ACAD10: variants seen among roughly 807,000 people sequenced by gnomAD.
ACAD10 encodes the protein acyl-CoA dehydrogenase family member 10.
In ACAD10, 112 loss-of-function variants were observed where a neutral mutation model predicts 116.8. That is an observed-to-expected ratio of 0.96 (90% CI 0.82 to 1.12). The LOEUF (loss-of-function observed/expected upper bound fraction) is 1.12, where lower values mean the gene tolerates loss of function less well. Among genes scored for constraint, ACAD10 ranks in the 50% most tolerant of loss-of-function variants. ACAD10 has a pLI of 0.00. For missense variants in ACAD10, 1,259 were observed against 1,350.2 expected, an observed-to-expected ratio of 0.93 and a Z score of 1.06; for synonymous variants, 486 against 510.6, an observed-to-expected ratio of 0.95 and a Z score of 0.65.
chr12:111,696,038 T>C (rs1888181833), intron 2 of ACAD10, among the ~76,000 whole-genome samples: 1 of 151,116 alleles, frequency 6.6e-6, no homozygotes, highest in Admixed American at 6.6e-5. Flanking sequence ...TATATATATA[T>C]ATACACTAGA....
chr12:111,694,554 A>G (rs1430720834), intron 2 of ACAD10, among the ~76,000 whole-genome samples: 1 of 152,114 alleles, frequency 6.6e-6, no homozygotes, highest in African/African-American at 2.4e-5. Flanking sequence ...ACTGGACAGA[A>G]AGTTTCTTGA....
At chr12:111,705,191 A>G (rs1417000534) in intron 3 of ACAD10, among the ~76,000 whole-genome samples, 1 of 151,144 alleles carries the variant, frequency 6.6e-6, no homozygotes, top group Non-Finnish European at 1.5e-5. Context: ...TTTTTCAACT[A>G]GCAATCCATG....
rs904409405 is a variant in ACAD10, at chr12:111,746,042, G to A, written c.2116-102G>A. The A allele has an allele frequency of 4.1e-6, 6 of 1,473,970 alleles. No homozygotes were observed. The African/African-American group carries it at 7.1e-5, about 17-fold the overall frequency. The allele number at this position is 1,473,970 out of a possible 1,614,324, so 91.3% of individuals were successfully genotyped here. A position where few individuals can be genotyped will look rare whatever the true frequency, so the allele number is the denominator to read the frequency against. On this transcript the variant is annotated intron_variant, in intron 13 of 20. Coordinates refer to ENST00000313698, the MANE Select transcript of ACAD10 (RefSeq NM_025247.6). ...TTTTTTGGGCACACGTGCATGTTTG[G>A]TTGTCTGCCTTGTTTCCTCCAATCC... is the stretch of plus-strand genomic sequence containing the variant.
chr12:111,691,749 C>G (rs868235490), intron 1 of ACAD10, among the ~76,000 whole-genome samples: 1 of 151,764 alleles, frequency 6.6e-6, no homozygotes, highest in East Asian at 2.0e-4. Context: ...CACCCAACAC[C>G]ATGCCCAGGT....
At chr12:111,744,511 A>G in intron 12 of ACAD10, 132 bp from the exon 13 acceptor site, 2 of 1,117,672 alleles carry the variant, frequency 1.8e-6, no homozygotes, top group South Asian at 3.0e-5. Flanking sequence ...AGTGGCTCTT[A>G]GCACAGTGTT....
chr12:111,728,183 C>T, intron 9 of ACAD10, 40 bp downstream of exon 9: 1 of 1,544,000 alleles, frequency 6.5e-7, no homozygotes, highest in Middle Eastern at 1.9e-4. Flanking sequence ...GTTGTTTCAT[C>T]ACTAGTGCTT....
chr12:111,726,733 T>A (rs1266700365), intron 8 of ACAD10, among the ~76,000 whole-genome samples: 1 of 152,078 alleles, frequency 6.6e-6, no homozygotes, highest in Non-Finnish European at 1.5e-5. Flanking sequence ...TGGTGGCACA[T>A]ACCTGTAGTT....
At chr12:111,698,311 T>C (rs1888247505) in intron 2 of ACAD10, among the ~76,000 whole-genome samples, 1 of 151,000 alleles carries the variant, frequency 6.6e-6, no homozygotes, top group Non-Finnish European at 1.5e-5. Flanking sequence ...TTTTTTTTTT[T>C]TTTCAGAGAG....
Position 111,756,590 on chromosome 12 carries a change from G to C in ACAD10, c.*117G>C. ...CTCCTGCACCCTGCTCAGCAGCTCT[G>C]TCCCGGGACAGTCAGGGTGGACTCA... On this transcript the variant is annotated 3_prime_UTR_variant, in exon 21 of 21. Transcript: ENST00000313698. 1 of 1,471,728 alleles carries C rather than the reference G, an allele frequency of 6.8e-7. No individual in the cohort carries two copies. Among genetic ancestry groups the C allele is most frequent in the Non-Finnish European group, 9.2e-7 (1 of 1,086,508 alleles). The allele number at this position is 1,471,728 out of a possible 1,614,324, so 91.2% of individuals were successfully genotyped here.
intron 11 of ACAD10, among the ~76,000 whole-genome samples, chr12:111,735,903 G>A (rs1889542941): frequency 6.6e-6 from 1 of 151,664 alleles, no homozygotes; most frequent in Admixed American, 6.6e-5. Flanking sequence ...TTTTTGAGAT[G>A]GAGTCTCACT....
In ACAD10 at chr12:111,749,121, C is replaced by T. The variant is rs1296374937; in HGVS notation, c.2645-52C>T. Reference sequence around the variant, plus strand: ...AGACTGAGGTGAGGAATAAACACATCCAAGGAAAATGACTATGGCTATTGC... The same window carrying T: ...AGACTGAGGTGAGGAATAAACACATTCAAGGAAAATGACTATGGCTATTGC... On this transcript the variant is annotated intron_variant, in intron 17 of 20. Coordinates refer to ENST00000313698, the MANE Select transcript of ACAD10 (RefSeq NM_025247.6). 9 of 1,613,700 alleles carry T rather than the reference C, an allele frequency of 5.6e-6. No homozygotes were observed. The East Asian group carries it at 1.6e-4, about 28-fold the overall frequency.
In ACAD10 at chr12:111,705,863, C is replaced by T. The variant is rs140096270; in HGVS notation, c.462C>T (p.Val154=). The T allele has an allele frequency of 8.1e-6, 13 of 1,614,038 alleles. No individual in the cohort carries two copies. Among genetic ancestry groups the T allele is most frequent in the African/African-American group, 1.3e-5 (1 of 74,920 alleles). ...QIRAKGLQTA[V]LSNNFYLPNQ... is the part of the protein sequence containing the mutation. ...GGGCAAAAGGTCTTCAGACTGCAGTCTTGAGCAATAATTTTTATCTTCCCA... is the reference window on the plus strand; with the variant it reads ...GGGCAAAAGGTCTTCAGACTGCAGTTTTGAGCAATAATTTTTATCTTCCCA... The change falls in exon 4 of 21, where the codon GTC becomes GTT. Residue 154 remains valine, a synonymous_variant. Transcript: ENST00000313698.
At position 111,756,497 on chromosome 12, in the gene ACAD10, A is replaced by G. The variant is rs1397158695; in HGVS notation, c.*24A>G. 6 of 1,609,410 alleles carry G rather than the reference A, an allele frequency of 3.7e-6. No homozygotes were observed. The highest frequency in any genetic ancestry group is 1.1e-5 in the South Asian group (1 of 90,360). On this transcript the variant is annotated 3_prime_UTR_variant, in exon 21 of 21. Coordinates refer to ENST00000313698, the MANE Select transcript of ACAD10 (RefSeq NM_025247.6). ...AGAGCCTTGGGGCTGCAGTGGCTCA[A>G]TGTCCTGGCTGGTCCAGCTGTGCCC...
At chr12:111,746,923 T>C in intron 14 of ACAD10, 126 bp from the exon 15 acceptor site, 1 of 1,301,710 alleles carries the variant, frequency 7.7e-7, no homozygotes, top group Non-Finnish European at 1.0e-6. Context: ...TGGCTTGAGC[T>C]GAGGAAGTCG....
rs535968478 is a variant in ACAD10 at position 111,690,021 on chromosome 12, C to T, written c.-13-2676C>T. Among the ~76,000 whole-genome samples the T allele has an allele frequency of 3.3e-5, 5 of 152,184 alleles. No homozygotes were observed. In the South Asian group the frequency reaches 8.3e-4, roughly 25 times the overall value. On this transcript the variant is annotated intron_variant, in intron 1 of 20. Transcript: ENST00000313698. ...TGAGCCACTGCACCCGGCCTTACTT[C>T]GAATATTTTCTATTGTAGTTGGCTG...
At chr12:111,752,976 T>A (rs1352918552) in intron 18 of ACAD10, 1 of 159,584 alleles carries the variant, frequency 6.3e-6, no homozygotes, top group Non-Finnish European at 1.4e-5. Flanking sequence ...AGACCCTGTC[T>A]CTACAAAAAA....
chr12:111,749,386 C>T, intron 18 of ACAD10, 41 bp downstream of exon 18: 1 of 1,578,614 alleles, frequency 6.3e-7, no homozygotes, highest in Non-Finnish European at 8.6e-7. Context: ...CTCAGAACCA[C>T]CACCTTCTGC....
chr12:111,719,926 A>T (rs1888968516), intron 7 of ACAD10, among the ~76,000 whole-genome samples: 1 of 151,732 alleles, frequency 6.6e-6, no homozygotes, highest in Non-Finnish European at 1.5e-5. Flanking sequence ...ACGGAGTTTC[A>T]CCATGTTAGC....
intron 2 of ACAD10, among the ~76,000 whole-genome samples, chr12:111,693,865 G>A (rs1449283534): frequency 6.6e-6 from 1 of 152,130 alleles, no homozygotes; most frequent in Non-Finnish European, 1.5e-5. Flanking sequence ...GCACATAAAA[G>A]CCCAGGTATG....
Sources: allele counts gnomAD v4.1 joint callset (sites outside exome capture counted in the v4.1 genomes callset), GRCh38; gene constraint gnomAD v4.1.1; transcripts MANE v1.5; gene names NCBI Gene and HGNC (gene_info 2026-07-23, HGNC 2026-07-21).